SCN11A: variants seen among roughly 807,000 people sequenced by gnomAD.
The protein encoded by SCN11A is sodium channel protein type 11 subunit alpha.
Under a neutral mutation model 162.2 loss-of-function variants are expected in SCN11A, and 122 were observed. The observed-to-expected ratio is 0.75, with a 90% CI of 0.65 to 0.87. SCN11A has a LOEUF of 0.87. SCN11A is among the 40% of genes least tolerant of loss of function. The pLI, the probability that SCN11A is intolerant of heterozygous loss-of-function variation, is 0.00. For missense variants in SCN11A, 2,015 were observed against 2,181.6 expected (o/e 0.92, Z 1.52); for synonymous variants, 758 against 751.5 (o/e 1.01, Z -0.14).
intron 16 of SCN11A, among the ~76,000 whole-genome samples, chr3:38,902,797 G>A (rs542695864): frequency 1.1e-4 from 17 of 152,026 alleles, no homozygotes; most frequent in African/African-American, 4.1e-4. Flanking sequence ...GATTACAGGC[G>A]TGAGCCACTG....
intron 19 of SCN11A, among the ~76,000 whole-genome samples, chr3:38,887,374 C>T (rs1229351447): frequency 6.7e-6 from 1 of 149,618 alleles, no homozygotes; most frequent in Non-Finnish European, 1.5e-5. Flanking sequence ...CCTCCTAGCC[C>T]CTCTTGCCTA....
chr3:38,972,219 G>C (rs1369248484), intron 2 of SCN11A, among the ~76,000 whole-genome samples: 1 of 152,150 alleles, frequency 6.6e-6, no homozygotes, highest in African/African-American at 2.4e-5. Flanking sequence ...GGAGTGATGG[G>C]GGAGCCTTGG....
chr3:38,918,306 G>C (rs1251757860), intron 11 of SCN11A, among the ~76,000 whole-genome samples: 2 of 152,192 alleles, frequency 1.3e-5, no homozygotes, highest in African/African-American at 4.8e-5. Flanking sequence ...CCCCAGAGCA[G>C]TACTGGTTCA....
At chr3:38,882,135 C>G (rs1242355945) in intron 22 of SCN11A, among the ~76,000 whole-genome samples, 1 of 152,150 alleles carries the variant, frequency 6.6e-6, no homozygotes, top group Non-Finnish European at 1.5e-5. Context: ...TTAGAGAAAT[C>G]TGCTTTTCTA....
In SCN11A at chr3:38,846,667, C is replaced by A; in HGVS notation, c.*27G>T. Reference sequence around the variant, plus strand: ...AGAGGCTGAAGGCAAGGCTGTGAAGCTATGAGGTAGGCGTGGAGGTGAGGG... The same window carrying A: ...AGAGGCTGAAGGCAAGGCTGTGAAGATATGAGGTAGGCGTGGAGGTGAGGG... On this transcript the variant is annotated 3_prime_UTR_variant, in exon 30 of 30. Coordinates refer to ENST00000302328, the MANE Select transcript of SCN11A (RefSeq NM_001349253.2). 1 of 1,592,760 alleles carries A rather than the reference C, an allele frequency of 6.3e-7. No homozygotes were observed. The highest frequency in any genetic ancestry group is 8.6e-7 in the Non-Finnish European group (1 of 1,162,064).
intron 1 of SCN11A, among the ~76,000 whole-genome samples, chr3:39,043,590 A>G (rs1248322631): frequency 6.6e-6 from 1 of 151,776 alleles, no homozygotes; most frequent in African/African-American, 2.4e-5. Flanking sequence ...CAAACATCAC[A>G]TGTTCCCACT....
intron 1 of SCN11A, among the ~76,000 whole-genome samples, chr3:39,037,057 A>G (rs1261821306): frequency 6.6e-6 from 1 of 152,260 alleles, no homozygotes; most frequent in African/African-American, 2.4e-5. Flanking sequence ...ATAATAGCCA[A>G]GATTTGGAAT....
chr3:38,856,634 G>A (rs962229899), intron 28 of SCN11A, among the ~76,000 whole-genome samples: 11 of 152,136 alleles, frequency 7.2e-5, no homozygotes, highest in Non-Finnish European at 1.2e-4. Context: ...ACCTGCCTTA[G>A]CCATAGCCAA....
At position 38,872,188 on chromosome 3, in the gene SCN11A, T is replaced by G. The variant is rs748710219; in HGVS notation, c.3495+5A>C. 1.7e-5 allele frequency: 26 copies of G among 1,532,304 alleles called. No homozygotes were observed. The highest frequency in any genetic ancestry group is 5.6e-5 in the South Asian group (5 of 89,288). The allele number at this position is 1,532,304 out of a possible 1,614,324, so 94.9% of individuals were successfully genotyped here. On this transcript the variant is annotated splice_donor_5th_base_variant and intron_variant, in intron 24 of 29. Transcript: ENST00000302328. The stretch of plus-strand genomic sequence containing the variant: ...AACTTCTACCCATTCTTCTGCAGAA[T>G]GTACCTTCATTCCTTCAAACTGGGA...
At chr3:38,849,257 C>CTTTTTTTTTTTTT (rs55781629) in intron 29 of SCN11A, 1 of 69,858 alleles carries the variant, frequency 1.4e-5, no homozygotes, top group African/African-American at 6.5e-5. Flanking sequence ...TTTTCTAGCC[C>CTTTTTTTTTTTTT]TTTTTTTTTT....
At chr3:39,015,601 A>C (rs889724633) in intron 2 of SCN11A, among the ~76,000 whole-genome samples, 1 of 152,242 alleles carries the variant, frequency 6.6e-6, no homozygotes, top group Non-Finnish European at 1.5e-5. Flanking sequence ...CAGAGCCTGA[A>C]ACAGAGGTTC....
At chr3:38,945,365 A>G (rs757168817) in intron 7 of SCN11A, 46 bp downstream of exon 7, 1 of 1,257,622 alleles carries the variant, frequency 8.0e-7, no homozygotes, top group Non-Finnish European at 1.2e-6. Flanking sequence ...TCTTAGGTAT[A>G]TTTGTTTAAA....
At chr3:38,915,327 T>C (rs1001087767) in intron 11 of SCN11A, among the ~76,000 whole-genome samples, 5 of 152,120 alleles carry the variant, frequency 3.3e-5, no homozygotes, top group Admixed American at 1.3e-4. Context: ...ATTGTGTTTA[T>C]TTGGATTTCC....
chr3:38,915,747 C>A (rs1393090647), intron 11 of SCN11A, among the ~76,000 whole-genome samples: 1 of 151,892 alleles, frequency 6.6e-6, no homozygotes, highest in Admixed American at 6.6e-5. Context: ...AGAGTATGGG[C>A]CATGTGGTGA....
intron 2 of SCN11A, among the ~76,000 whole-genome samples, chr3:39,029,515 T>C (rs2031689738): frequency 6.6e-6 from 1 of 152,214 alleles, no homozygotes; most frequent in Admixed American, 6.5e-5. Context: ...GATTTTCCCA[T>C]AGTGGGAAAG....
chr3:39,007,229 C>G (rs1424399520), intron 2 of SCN11A, among the ~76,000 whole-genome samples: 2 of 152,166 alleles, frequency 1.3e-5, no homozygotes, highest in African/African-American at 4.8e-5. Flanking sequence ...ACTCAAAGCA[C>G]TCTAAAAAAA....
chr3:39,036,710 C>G (rs1372470450), intron 1 of SCN11A, among the ~76,000 whole-genome samples: 1 of 152,178 alleles, frequency 6.6e-6, no homozygotes, highest in Non-Finnish European at 1.5e-5. Context: ...ATAGATATTT[C>G]TCAAAAGAAG....
chr3:38,874,539 C>T (rs2065178669), intron 23 of SCN11A, among the ~76,000 whole-genome samples: 1 of 152,136 alleles, frequency 6.6e-6, no homozygotes, highest in Admixed American at 6.6e-5. Flanking sequence ...CAGAGGTTGC[C>T]ACTGCACTCA....
Position 38,907,962 on chromosome 3 carries a change from T to C in SCN11A, c.1460A>G (p.Asp487Gly), listed in dbSNP as rs776424902. ...GAAAAGACTTACCTTTTTTTGGCAA[T>C]CTTCATCAGAATCTGACCCAGGAGG... ...DQPPGSDSDE[D>G]CQKKPQLLEQ... Residue 487 changes from aspartate to glycine, a missense_variant, in exon 14 of 30, where the codon GAT becomes GGT. Transcript: ENST00000302328. 7 of 1,601,174 alleles carry C rather than the reference T, an allele frequency of 4.4e-6. No homozygotes were observed. Among genetic ancestry groups the C allele is most frequent in the East Asian group, 2.2e-5 (1 of 44,794 alleles).
Sources: allele counts gnomAD v4.1 joint callset (sites outside exome capture counted in the v4.1 genomes callset), GRCh38; gene constraint gnomAD v4.1.1; transcripts MANE v1.5; gene names NCBI Gene and HGNC (gene_info 2026-07-23, HGNC 2026-07-21).